Variants in GPC6 observed in about 807,000 individuals in gnomAD.
GPC6 encodes the protein glypican-6.
In GPC6, 14 loss-of-function variants were observed where a neutral mutation model predicts 55.2. The ratio of observed to expected loss-of-function variants is 0.25; its 90% CI spans 0.17 to 0.40. The LOEUF is 0.40. GPC6 is among the 10% of genes least tolerant of loss of function. The pLI, the probability that GPC6 is intolerant of heterozygous loss-of-function variation, is 1.00. For synonymous variants in GPC6, 278 were observed against 259.6 expected, an observed-to-expected ratio of 1.07 and a Z score of -0.68; for missense variants, 641 against 708.5, an observed-to-expected ratio of 0.90 and a Z score of 1.08.
chr13:94,369,385 C>T (rs1879429420), intron 6 of GPC6, among the ~76,000 whole-genome samples: 1 of 152,104 alleles, frequency 6.6e-6, no homozygotes, highest in South Asian at 2.1e-4. Context: ...CTTGGGGCCT[C>T]CTGTGGGTAG....
At chr13:93,588,915 T>C (rs562249736) in intron 2 of GPC6, among the ~76,000 whole-genome samples, 1 of 152,276 alleles carries the variant, frequency 6.6e-6, no homozygotes, top group African/African-American at 2.4e-5. Context: ...TTGTTTGTGA[T>C]TTAATAACCA....
chr13:93,982,596 C>T (rs1880857267), intron 3 of GPC6, among the ~76,000 whole-genome samples: 1 of 152,154 alleles, frequency 6.6e-6, no homozygotes, highest in Admixed American at 6.6e-5. Flanking sequence ...ATTTCTCTAT[C>T]CTAACTACTT....
At chr13:94,039,494 T>C (rs1046026490) in intron 4 of GPC6, among the ~76,000 whole-genome samples, 6 of 151,796 alleles carry the variant, frequency 4.0e-5, no homozygotes, top group African/African-American at 1.5e-4. Flanking sequence ...ACATCAGATA[T>C]GACTGAGATA....
intron 1 of GPC6, among the ~76,000 whole-genome samples, chr13:93,295,115 A>G (rs73554229): frequency 0.19 from 27,049 of 141,000 alleles, 2,198 homozygotes; most frequent in East Asian, 0.26. Flanking sequence ...TCTGCAAAAA[A>G]AAAAAAAAAA....
rs140177257 is a variant in GPC6 at position 93,227,552 on chromosome 13, G to C, written c.96G>C (p.Glu32Asp). Residue 32 changes from glutamate (E) to aspartate (D), a missense_variant, in exon 1 of 9, where the codon GAG becomes GAC. Physicochemically the swap from Glu to Asp is conservative, Grantham distance 45. Transcript: ENST00000377047. The surrounding 1 kb of genome is among the most constrained non-coding windows in gnomAD (Gnocchi z 4.3). ...GADVKARSCGEVRQAYGAKGF... is the reference protein window; with the variant it reads ...GADVKARSCGDVRQAYGAKGF... ...ATGTGAAGGCTCGGAGCTGCGGAGA[G>C]GTCCGCCAGGCGTACGGTGCCAAGG... The C allele has an allele frequency of 1.7e-4, 269 of 1,613,210 alleles. 1 individual carries two copies. The highest frequency in any genetic ancestry group is 2.0e-4 in the Non-Finnish European group (239 of 1,179,678).
chr13:93,365,491 A>G (rs748920924), intron 1 of GPC6, among the ~76,000 whole-genome samples: 1 of 152,032 alleles, frequency 6.6e-6, no homozygotes, highest in East Asian at 1.9e-4. Flanking sequence ...TTCTTTTCCA[A>G]CCTGCTTGAA....
chr13:94,340,608 A>C (rs1365681905), intron 6 of GPC6, among the ~76,000 whole-genome samples: 2 of 152,218 alleles, frequency 1.3e-5, no homozygotes, highest in African/African-American at 4.8e-5. Flanking sequence ...GTAACTATAG[A>C]GGTCACTATG....
intron 1 of GPC6, among the ~76,000 whole-genome samples, chr13:93,243,484 C>A (rs1270053325): frequency 6.6e-6 from 1 of 152,214 alleles, no homozygotes; most frequent in African/African-American, 2.4e-5. Flanking sequence ...TTGGGCTTTG[C>A]TCTTAGCTCC....
At chr13:93,393,107 G>GATATATATATATATATATAT (rs374414019) in intron 1 of GPC6, among the ~76,000 whole-genome samples, 2 of 114,770 alleles carry the variant, frequency 1.7e-5, no homozygotes, top group South Asian at 3.1e-4. Context: ...ATGTATATTT[G>GATATATATATATATATATAT]ATATATATAT....
intron 2 of GPC6, among the ~76,000 whole-genome samples, chr13:93,823,402 A>G (rs779964035): frequency 2.0e-5 from 3 of 151,964 alleles, no homozygotes; most frequent in African/African-American, 4.8e-5. Flanking sequence ...TTCTGGTTCT[A>G]TTGATCTAGG....
At chr13:94,171,542 C>T (rs1206512854) in intron 4 of GPC6, among the ~76,000 whole-genome samples, 2 of 152,124 alleles carry the variant, frequency 1.3e-5, no homozygotes, top group Non-Finnish European at 2.9e-5. Context: ...GAACAAATGC[C>T]TCCTAGACTA....
chr13:93,264,857 A>G (rs986254860), intron 1 of GPC6, among the ~76,000 whole-genome samples: 2 of 151,874 alleles, frequency 1.3e-5, no homozygotes, highest in Admixed American at 6.6e-5. Flanking sequence ...TCACCCCTCC[A>G]TTTGTTGAAT....
intron 3 of GPC6, among the ~76,000 whole-genome samples, chr13:93,905,167 G>C (rs150550568): frequency 5.9e-5 from 9 of 151,302 alleles, no homozygotes; most frequent in African/African-American, 2.2e-4. Flanking sequence ...AATAAGTAGG[G>C]ATGATTATTT....
intron 1 of GPC6, among the ~76,000 whole-genome samples, chr13:93,489,995 C>T (rs1355542724): frequency 6.6e-6 from 1 of 150,980 alleles, no homozygotes; most frequent in Non-Finnish European, 1.5e-5. Flanking sequence ...CCAGAACTTC[C>T]AACACTATGT....
At chr13:93,591,984 T>G (rs1201231237) in intron 2 of GPC6, among the ~76,000 whole-genome samples, 1 of 152,172 alleles carries the variant, frequency 6.6e-6, no homozygotes, top group Non-Finnish European at 1.5e-5. Context: ...GATATATTCT[T>G]TGAACATCAA....
At chr13:93,454,821 GC>G (rs1878376026) in intron 1 of GPC6, among the ~76,000 whole-genome samples, 1 of 152,190 alleles carries the variant, frequency 6.6e-6, no homozygotes. Flanking sequence ...ATGGGAGTGG[GC>G]GCCCTGGAGC....
chr13:93,326,331 T>A (rs559553350), intron 1 of GPC6, among the ~76,000 whole-genome samples: 1 of 152,168 alleles, frequency 6.6e-6, no homozygotes, highest in Non-Finnish European at 1.5e-5. Flanking sequence ...CTTGAGATTC[T>A]TTACTTATTA....
intron 2 of GPC6, among the ~76,000 whole-genome samples, chr13:93,605,924 T>C (rs1336360610): frequency 1.3e-5 from 2 of 152,052 alleles, no homozygotes; most frequent in Non-Finnish European, 2.9e-5. Flanking sequence ...TATTTAACTT[T>C]TTGCTATTTC....
chr13:93,604,882 C>T (rs1236156581), intron 2 of GPC6, among the ~76,000 whole-genome samples: 3 of 152,048 alleles, frequency 2.0e-5, no homozygotes, highest in East Asian at 1.9e-4. Context: ...GTTTGTAAGG[C>T]GACATTCTTG....
Sources: gnomAD v4.1 joint callset for allele counts (sites outside exome capture counted in the v4.1 genomes callset) on GRCh38, gnomAD v4.1.1 for gene constraint, Gnocchi (gnomAD v3.1) non-coding constraint, MANE v1.5 for transcripts, NCBI Gene and HGNC (gene_info 2026-07-23, HGNC 2026-07-21) for gene names.